Variants in ICA1 observed in about 807,000 individuals in gnomAD.
The protein encoded by ICA1 is 69 kDa islet cell autoantigen.
A neutral mutation model predicts 71.0 loss-of-function variants in ICA1; 40 were observed. That is an observed-to-expected ratio of 0.56 (90% CI 0.44 to 0.73). ICA1 has a LOEUF of 0.73. Ranked by LOEUF, ICA1 falls within the 30% of genes least tolerant of loss-of-function variation. The probability of loss-of-function intolerance (pLI) is 0.00; values close to 1 mark genes in which losing one functional copy is unlikely to be tolerated. For synonymous variants in ICA1, 207 were observed against 209.5 expected (o/e 0.99, Z 0.10); for missense variants, 578 against 576.5 (o/e 1.00, Z -0.03).
rs1447135933 is a variant in ICA1, at chr7:8,173,032, T to A, written c.580-14380A>T. Among the ~76,000 whole-genome samples the A allele has an allele frequency of 1.3e-5, 2 of 152,218 alleles. No individual in the cohort carries two copies. Among genetic ancestry groups the A allele is most frequent in the Non-Finnish European group, 2.9e-5 (2 of 68,028 alleles). On this transcript the variant is annotated intron_variant, in intron 6 of 13. Coordinates refer to ENST00000402384, the MANE Select transcript of ICA1 (RefSeq NM_001136020.3). This position sits in a 1 kb window ranked among gnomAD's most constrained non-coding sequence, Gnocchi z 4.0. Reference sequence around the variant, plus strand: ...GAAAGTAAAATAGGGGCTTAGTTGCTTTGCTTTCTTTGCTTTCCCTATTAA... The same window carrying A: ...GAAAGTAAAATAGGGGCTTAGTTGCATTGCTTTCTTTGCTTTCCCTATTAA...
chr7:8,210,783 T>C (rs760872280), intron 6 of ICA1, among the ~76,000 whole-genome samples: 1 of 152,186 alleles, frequency 6.6e-6, no homozygotes, highest in African/African-American at 2.4e-5. Context: ...GGCGTGATCA[T>C]GGCTTACTGC....
At chr7:8,163,010 C>A (rs777787314) in intron 6 of ICA1, among the ~76,000 whole-genome samples, 1 of 152,160 alleles carries the variant, frequency 6.6e-6, no homozygotes, top group Non-Finnish European at 1.5e-5. Flanking sequence ...AAAATCCGCC[C>A]GCCTTGGCCT....
At chr7:8,260,508 C>T (rs1190153892) in intron 1 of ICA1, among the ~76,000 whole-genome samples, 1 of 152,254 alleles carries the variant, frequency 6.6e-6, no homozygotes, top group African/African-American at 2.4e-5. Flanking sequence ...ACAAATAGCC[C>T]GCTGTAGCTT....
intron 1 of ICA1, among the ~76,000 whole-genome samples, chr7:8,238,245 A>G (rs1225981761): frequency 6.6e-6 from 1 of 152,130 alleles, no homozygotes; most frequent in Admixed American, 6.6e-5. Context: ...CAGCTGCACC[A>G]TTTCAAGCCC....
rs188460421 is a variant in ICA1 at position 8,140,643 on chromosome 7, C to T, written c.955+1122G>A. Among the ~76,000 whole-genome samples the T allele has an allele frequency of 1.2e-3, 186 of 152,342 alleles. 1 individual carries two copies. Among genetic ancestry groups the T allele is most frequent in the African/African-American group, 3.9e-3 (163 of 41,572 alleles). On this transcript the variant is annotated intron_variant, in intron 10 of 13. Transcript: ENST00000402384. Reference sequence around the variant, plus strand: ...GCACCACTGTATGCCCAGAGCCCAGCGCCATGCCTGGCACAGAGGCGGCTC... The same window carrying T: ...GCACCACTGTATGCCCAGAGCCCAGTGCCATGCCTGGCACAGAGGCGGCTC...
At chr7:8,171,707 ATTGAT>A (rs144966497) in intron 6 of ICA1, among the ~76,000 whole-genome samples, 61,303 of 151,120 alleles carry the variant, frequency 0.41, 14,637 homozygotes, top group South Asian at 0.53. Flanking sequence ...AATTTATATT[ATTGAT>A]TTGAGAACTT....
At chr7:8,152,347 T>C (rs1799099121) in intron 8 of ICA1, among the ~76,000 whole-genome samples, 1 of 151,994 alleles carries the variant, frequency 6.6e-6, no homozygotes, top group South Asian at 2.1e-4. Flanking sequence ...GTATTGATGC[T>C]TCGCATGGTT....
rs1419458011 is a variant in ICA1, at chr7:8,222,572, C to A, written c.257-1174G>T. Among the ~76,000 whole-genome samples, 1 of 152,162 alleles carries A rather than the reference C, an allele frequency of 6.6e-6. No individual in the cohort carries two copies. Among genetic ancestry groups the A allele is most frequent in the Non-Finnish European group, 1.5e-5 (1 of 68,030 alleles). On this transcript the variant is annotated intron_variant, in intron 4 of 13. Coordinates refer to ENST00000402384, the MANE Select transcript of ICA1 (RefSeq NM_001136020.3). The surrounding 1 kb of genome is among the most constrained non-coding windows in gnomAD (Gnocchi z 4.8). ...TAATTGTAGGACATTAGGCAGGAAC[C>A]ACAAATCCAAAGGTGAAGGCTAAAC...
chr7:8,236,400 A>C (rs755054580), intron 1 of ICA1, among the ~76,000 whole-genome samples: 3 of 152,198 alleles, frequency 2.0e-5, no homozygotes, highest in Non-Finnish European at 4.4e-5. Flanking sequence ...ACGGCAGGAG[A>C]TGGTGTGGGA....
In ICA1 at chr7:8,166,860, G is replaced by A. The variant is rs185938925; in HGVS notation, c.580-8208C>T. ...ACAGACACTATTCAAAAGAAGACAT[G>A]GCCAAGAAGCATATGAAAAGAATGC... On this transcript the variant is annotated intron_variant, in intron 6 of 13. Transcript: ENST00000402384. Among the ~76,000 whole-genome samples the A allele has an allele frequency of 2.4e-4, 36 of 150,766 alleles. 1 individual carries two copies. The highest frequency in any genetic ancestry group is 3.0e-5 in the Non-Finnish European group (2 of 67,744).
At chr7:8,119,656 G>A (rs1786061544) in intron 13 of ICA1, among the ~76,000 whole-genome samples, 1 of 152,090 alleles carries the variant, frequency 6.6e-6, no homozygotes, top group Admixed American at 6.5e-5. Flanking sequence ...GACCAGCCCG[G>A]CCAACATGGT....
intron 6 of ICA1, among the ~76,000 whole-genome samples, chr7:8,160,946 G>A (rs1803536459): frequency 6.6e-6 from 1 of 152,200 alleles, no homozygotes; most frequent in Admixed American, 6.5e-5. Context: ...GGGGGAGTCT[G>A]GAGGGGAAGA....
chr7:8,160,244 A>C (rs551345029), intron 6 of ICA1, among the ~76,000 whole-genome samples: 30 of 152,336 alleles, frequency 2.0e-4, no homozygotes, highest in Middle Eastern at 3.4e-3. Context: ...AAATACATTC[A>C]TTTTCACCAC....
chr7:8,155,525 C>A (rs1801182979), intron 8 of ICA1, among the ~76,000 whole-genome samples: 1 of 152,182 alleles, frequency 6.6e-6, no homozygotes, highest in South Asian at 2.1e-4. Context: ...TTATATGCAA[C>A]TAACTCATGC....
rs147676964 is a variant in ICA1 at position 8,216,323 on chromosome 7, G to A, written c.579+1982C>T. On this transcript the variant is annotated intron_variant, in intron 6 of 13. Transcript: ENST00000402384. The stretch of plus-strand genomic sequence containing the variant: ...GTCTGGTCTAATCAAATATACACTT[G>A]AAGACAGGCTTATTTAAAAAAAGAT... 2.6e-5 allele frequency among the ~76,000 whole-genome samples: 4 copies of A among 152,250 alleles called. No homozygotes were observed. In the East Asian group the frequency reaches 7.7e-4, roughly 29 times the overall value.
chr7:8,197,964 T>C (rs1440309070), intron 6 of ICA1, among the ~76,000 whole-genome samples: 3 of 152,240 alleles, frequency 2.0e-5, no homozygotes, highest in Non-Finnish European at 2.9e-5. Context: ...TTATACATAA[T>C]GATTTTATCA....
chr7:8,227,854 G>T, intron 4 of ICA1: 1 of 451,388 alleles, frequency 2.2e-6, no homozygotes, highest in Non-Finnish European at 4.5e-6. Flanking sequence ...CTAAAATGCT[G>T]GGATTACAGA....
At chr7:8,121,908 A>T (rs143617799) in intron 13 of ICA1, among the ~76,000 whole-genome samples, 201 of 152,372 alleles carry the variant, frequency 1.3e-3, no homozygotes, top group African/African-American at 4.4e-3. Context: ...AGAAATTAAA[A>T]GTTAAAATAA....
intron 8 of ICA1, among the ~76,000 whole-genome samples, chr7:8,145,497 G>A (rs1796547712): frequency 6.6e-6 from 1 of 152,016 alleles, no homozygotes; most frequent in Non-Finnish European, 1.5e-5. Context: ...GCTTCACTAA[G>A]CATGCCAAAT....
Sources: gnomAD v4.1 joint callset for allele counts (sites outside exome capture counted in the v4.1 genomes callset) on GRCh38, gnomAD v4.1.1 for gene constraint, Gnocchi (gnomAD v3.1) non-coding constraint, MANE v1.5 for transcripts, NCBI Gene and HGNC (gene_info 2026-07-23, HGNC 2026-07-21) for gene names.